WDR27: variants seen among roughly 807,000 people sequenced by gnomAD.
The protein encoded by WDR27 is WD repeat domain 27, also known as WD repeat-containing protein 27.
A neutral mutation model predicts 114.4 loss-of-function variants in WDR27; 100 were observed. The ratio of observed to expected loss-of-function variants is 0.87; its 90% confidence interval spans 0.74 to 1.03. WDR27 has a LOEUF of 1.03. Among genes scored for constraint, WDR27 ranks in the 50% least tolerant of loss-of-function variants. The pLI, the probability that WDR27 is intolerant of heterozygous loss-of-function variation, is 0.00. For missense variants in WDR27, 1,129 were observed against 1,092.9 expected (o/e 1.03, Z -0.47); for synonymous variants, 449 against 423.1 (o/e 1.06, Z -0.75).
chr6:169,662,086 T>G (rs1339308771), intron 9 of WDR27, among the ~76,000 whole-genome samples: 1 of 152,206 alleles, frequency 6.6e-6, no homozygotes, highest in Non-Finnish European at 1.5e-5. Flanking sequence ...AACTTAAAAA[T>G]CATCCAATTC....
chr6:169,468,017 C>G (rs1785837671), intron 25 of WDR27, among the ~76,000 whole-genome samples: 1 of 152,146 alleles, frequency 6.6e-6, no homozygotes, highest in Non-Finnish European at 1.5e-5. Context: ...CGCCAGATAC[C>G]CTAAATCATC....
intron 25 of WDR27, among the ~76,000 whole-genome samples, chr6:169,557,362 C>A (rs1004993086): frequency 6.6e-6 from 1 of 152,188 alleles, no homozygotes; most frequent in Non-Finnish European, 1.5e-5. Flanking sequence ...GAGCAGTTTC[C>A]ACCTTGGAGA....
chr6:169,613,514 CTT>C (rs780526463), intron 22 of WDR27, 43 bp downstream of exon 22: 27 of 1,499,480 alleles, frequency 1.8e-5, no homozygotes, highest in Non-Finnish European at 2.3e-5. Context: ...GCTTATATCT[CTT>C]GAGCTCCCCA....
In WDR27 at chr6:169,602,220, T is replaced by C. The variant is rs748433983; in HGVS notation, c.2423A>G (p.His808Arg). 5.2e-6 allele frequency: 8 copies of C among 1,551,024 alleles called. No homozygotes were observed. In the Admixed American group the frequency reaches 1.2e-4, roughly 23 times the overall value. The change falls in exon 23 of 26, where the codon CAC becomes CGC. Residue 808 changes from histidine (H) to arginine (R), a missense_variant and splice_region_variant. By Grantham distance (29) the His-to-Arg change is conservative (BLOSUM62 0). Coordinates refer to ENST00000448612, the MANE Select transcript of WDR27 (RefSeq NM_182552.5). ...TATAGACAGTCAAACAGTACATACG[T>C]GTCTGTCCTCGGCCCCACAAGCCGC... Reference protein sequence around the residue: ...RFAACGAEDRHAYVYEMGSST... With the variant: ...RFAACGAEDRRAYVYEMGSST...
chr6:169,611,076 A>G (rs927825443), intron 22 of WDR27, among the ~76,000 whole-genome samples: 4 of 152,064 alleles, frequency 2.6e-5, no homozygotes, highest in Non-Finnish European at 5.9e-5. Flanking sequence ...AAAAGATTAA[A>G]AAGGGTGCAC....
intron 24 of WDR27, among the ~76,000 whole-genome samples, chr6:169,575,427 C>CCCT (rs1802162392): frequency 1.5e-5 from 1 of 65,988 alleles, no homozygotes; most frequent in Non-Finnish European, 5.1e-5. Context: ...CATCCATCCA[C>CCCT]CCACCATCAC....
intron 25 of WDR27, among the ~76,000 whole-genome samples, chr6:169,532,175 T>A (rs1344365553): frequency 3.3e-5 from 5 of 152,136 alleles, no homozygotes; most frequent in Non-Finnish European, 7.4e-5. Flanking sequence ...TTCAATTTTT[T>A]AAATTTCTTA....
intron 24 of WDR27, among the ~76,000 whole-genome samples, chr6:169,577,137 G>C (rs1389478836): frequency 6.6e-6 from 1 of 152,066 alleles, no homozygotes; most frequent in Non-Finnish European, 1.5e-5. Flanking sequence ...AGCGGTGATG[G>C]GGAGACGAGA....
At chr6:169,477,700 A>G (rs1787377902) in intron 25 of WDR27, among the ~76,000 whole-genome samples, 1 of 152,200 alleles carries the variant, frequency 6.6e-6, no homozygotes, top group South Asian at 2.1e-4. Flanking sequence ...TGGCCTCACT[A>G]TGGGATTAAA....
intron 25 of WDR27, among the ~76,000 whole-genome samples, chr6:169,512,078 CATAAATTATT>C (rs1184407949): frequency 2.0e-5 from 3 of 152,050 alleles, no homozygotes; most frequent in African/African-American, 7.2e-5. Context: ...AACCAGTATA[CATAAATTATT>C]ATAAATTATT....
intron 16 of WDR27, 64 bp from the exon 17 acceptor site, chr6:169,643,850 G>C (rs1213914541): frequency 2.3e-6 from 3 of 1,327,858 alleles, no homozygotes; most frequent in African/African-American, 2.9e-5. Flanking sequence ...TCACACTGTA[G>C]AAAAGCCTAG....
At chr6:169,563,853 G>A (rs1800028498) in intron 25 of WDR27, among the ~76,000 whole-genome samples, 1 of 152,236 alleles carries the variant, frequency 6.6e-6, no homozygotes, top group Admixed American at 6.5e-5. Context: ...GAGCAGCTCA[G>A]AGGCGCTAAA....
intron 25 of WDR27, among the ~76,000 whole-genome samples, chr6:169,521,164 A>T (rs1317314711): frequency 6.6e-6 from 1 of 152,178 alleles, no homozygotes; most frequent in Non-Finnish European, 1.5e-5. Context: ...TAAAATGTAA[A>T]GGAGATCCGA....
At chr6:169,550,975 C>G (rs1196022426) in intron 25 of WDR27, among the ~76,000 whole-genome samples, 2 of 151,322 alleles carry the variant, frequency 1.3e-5, no homozygotes, top group African/African-American at 4.8e-5. Context: ...CTCGGCCTCT[C>G]AAAGTGGAGG....
At chr6:169,583,507 A>G (rs1327051125) in intron 23 of WDR27, among the ~76,000 whole-genome samples, 5 of 18,148 alleles carry the variant, frequency 2.8e-4, no homozygotes, top group South Asian at 1.9e-3. Flanking sequence ...ATATATATGT[A>G]TATATACACA....
intron 25 of WDR27, among the ~76,000 whole-genome samples, chr6:169,499,196 C>A (rs1790789857): frequency 6.6e-6 from 1 of 152,226 alleles, no homozygotes; most frequent in African/African-American, 2.4e-5. Flanking sequence ...AACTTCAAAT[C>A]CAGCCAAGCC....
intron 23 of WDR27, among the ~76,000 whole-genome samples, chr6:169,583,881 C>A (rs1440477497): frequency 1.3e-5 from 2 of 152,108 alleles, no homozygotes; most frequent in Non-Finnish European, 1.5e-5. Context: ...GGTGGACTCT[C>A]ATATCTATCA....
chr6:169,532,862 C>T (rs532986628), intron 25 of WDR27, among the ~76,000 whole-genome samples: 42 of 151,620 alleles, frequency 2.8e-4, no homozygotes, highest in Non-Finnish European at 5.6e-4. Flanking sequence ...TGAAGTTACA[C>T]CTAGAAGGGG....
At chr6:169,641,933 G>GGAC (rs1819292142) in intron 17 of WDR27, among the ~76,000 whole-genome samples, 1 of 152,226 alleles carries the variant, frequency 6.6e-6, no homozygotes, top group Non-Finnish European at 1.5e-5. Context: ...CATGCTCGGC[G>GGAC]GAAGGCCTGG....
Sources: allele counts gnomAD v4.1 joint callset (sites outside exome capture counted in the v4.1 genomes callset), GRCh38; gene constraint gnomAD v4.1.1; transcripts MANE v1.5; gene names NCBI Gene and HGNC (gene_info 2026-07-23, HGNC 2026-07-21).